The following LSAMP variants were observed in gnomAD, a reference collection of about 807,000 sequenced individuals.
The protein encoded by LSAMP is limbic system-associated membrane protein.
In LSAMP, 7 loss-of-function variants were observed where a neutral mutation model predicts 38.6. The ratio of observed to expected loss-of-function variants is 0.18; its 90% CI spans 0.10 to 0.34. The LOEUF (loss-of-function observed/expected upper bound fraction) is 0.34, where lower values mean the gene tolerates loss of function less well. Ranked by LOEUF, LSAMP falls within the 10% of genes least tolerant of loss-of-function variation. The pLI is 1.00. For synonymous variants in LSAMP, 154 were observed against 166.8 expected (o/e 0.92, Z 0.59); for missense variants, 313 against 420.0 (o/e 0.75, Z 2.23).
chr3:116,414,396 A>G (rs564898562), intron 1 of LSAMP, among the ~76,000 whole-genome samples: 28 of 151,898 alleles, frequency 1.8e-4, no homozygotes, highest in Admixed American at 1.8e-3. Context: ...TCACAGTCCT[A>G]CCCTGCCCAG....
chr3:116,425,561 A>T (rs182709894), intron 1 of LSAMP, among the ~76,000 whole-genome samples: 181 of 152,262 alleles, frequency 1.2e-3, no homozygotes, highest in Non-Finnish European at 1.5e-3. Flanking sequence ...AATGTGATAT[A>T]CTTGGGTGAG....
At chr3:115,854,314 G>A (rs1299145752) in intron 3 of LSAMP, among the ~76,000 whole-genome samples, 3 of 123,782 alleles carry the variant, frequency 2.4e-5, no homozygotes, top group Admixed American at 1.9e-4. Flanking sequence ...ATGGAGTCCC[G>A]CTCTTTAGCC....
chr3:115,844,869 C>T (rs546585370), intron 4 of LSAMP, among the ~76,000 whole-genome samples: 32 of 151,968 alleles, frequency 2.1e-4, no homozygotes, highest in Non-Finnish European at 4.0e-4. Flanking sequence ...CCCAGCTACT[C>T]GGGAACCTGC....
chr3:115,942,891 C>A (rs1350755779), intron 3 of LSAMP, among the ~76,000 whole-genome samples: 1 of 152,132 alleles, frequency 6.6e-6, no homozygotes, highest in East Asian at 1.9e-4. Context: ...AGACTGCTCA[C>A]ATTCAATTGT....
chr3:115,955,609 G>A (rs572046414), intron 3 of LSAMP, among the ~76,000 whole-genome samples: 3 of 141,296 alleles, frequency 2.1e-5, no homozygotes, highest in African/African-American at 7.4e-5. Flanking sequence ...ATTAACTGCT[G>A]ATGGGTAAAG....
chr3:116,443,918 T>C (rs187518798), intron 1 of LSAMP, among the ~76,000 whole-genome samples: 67 of 152,258 alleles, frequency 4.4e-4, no homozygotes, highest in Non-Finnish European at 7.6e-4. Flanking sequence ...AAAAATAACC[T>C]TGGAGCATTT....
intron 1 of LSAMP, among the ~76,000 whole-genome samples, chr3:116,226,470 C>T (rs991699430): frequency 1.3e-5 from 2 of 152,154 alleles, no homozygotes; most frequent in Admixed American, 6.5e-5. Flanking sequence ...TGTTTTATCA[C>T]CAGAAGCTGT....
At chr3:116,266,528 T>C (rs563877773) in intron 1 of LSAMP, among the ~76,000 whole-genome samples, 160 of 152,240 alleles carry the variant, frequency 1.1e-3, no homozygotes, top group African/African-American at 3.7e-3. Flanking sequence ...CAGAGGGTGT[T>C]CAATAAATAG....
intron 1 of LSAMP, among the ~76,000 whole-genome samples, chr3:116,100,070 AATT>A (rs1004842279): frequency 6.1e-5 from 7 of 114,710 alleles, no homozygotes; most frequent in Non-Finnish European, 8.2e-5. Flanking sequence ...GTATCCACAG[AATT>A]ATTATTTTTG....
At position 115,869,269 on chromosome 3, in the gene LSAMP, G is replaced by GGGGAGAGAGAGAGAGAGAGAGA. The variant is rs1352019629; in HGVS notation, c.515-16653_515-16652insTCTCTCTCTCTCTCTCTCTCCC. On this transcript the variant is annotated intron_variant, in intron 3 of 6. Transcript: ENST00000490035. ...CCTTCATAACCTCTATCTTGGAGGG[G>GGGGAGAGAGAGAGAGAGAGAGA]GAGAGAGAGAGAGAGAGAGAGAGAG... is the stretch of plus-strand genomic sequence containing the variant. Among the ~76,000 whole-genome samples, 3 of 128,520 alleles carry GGGGAGAGAGAGAGAGAGAGAGA rather than the reference G, an allele frequency of 2.3e-5. No individual in the cohort carries two copies. The Admixed American group carries it at 2.7e-4, about 12-fold the overall frequency. The allele number at this position is 128,520 out of a possible 152,430, so 84.3% of individuals were successfully genotyped here. A position where few individuals can be genotyped will look rare whatever the true frequency, so the allele number is the denominator to read the frequency against.
chr3:115,867,543 A>C (rs1935896747), intron 3 of LSAMP, among the ~76,000 whole-genome samples: 2 of 152,072 alleles, frequency 1.3e-5, no homozygotes, highest in South Asian at 4.1e-4. Context: ...ACACAGGAAA[A>C]GATGTGAAAG....
chr3:116,326,110 T>C (rs996993842), intron 1 of LSAMP, among the ~76,000 whole-genome samples: 11 of 152,142 alleles, frequency 7.2e-5, no homozygotes, highest in African/African-American at 2.4e-4. Flanking sequence ...TAATAACTCA[T>C]CTCAATTTAA....
At chr3:116,290,666 G>T (rs111509282) in intron 1 of LSAMP, among the ~76,000 whole-genome samples, 1 of 151,508 alleles carries the variant, frequency 6.6e-6, no homozygotes, top group South Asian at 2.1e-4. Context: ...CGAGGCGGAG[G>T]TTGCAGTGAG....
intron 1 of LSAMP, among the ~76,000 whole-genome samples, chr3:116,184,388 T>C (rs1398711894): frequency 6.6e-6 from 1 of 151,938 alleles, no homozygotes; most frequent in Non-Finnish European, 1.5e-5. Flanking sequence ...TCTTTATTCT[T>C]AGTCATTATA....
At chr3:116,422,021 A>G (rs1423745924) in intron 1 of LSAMP, among the ~76,000 whole-genome samples, 1 of 152,228 alleles carries the variant, frequency 6.6e-6, no homozygotes, top group Non-Finnish European at 1.5e-5. Flanking sequence ...AACTGGATGC[A>G]ATCCACGTGT....
chr3:116,094,202 A>G (rs1708177923), intron 1 of LSAMP, among the ~76,000 whole-genome samples: 1 of 152,154 alleles, frequency 6.6e-6, no homozygotes, highest in South Asian at 2.1e-4. Context: ...CTAAGATTAG[A>G]CTCAATTAGA....
intron 3 of LSAMP, among the ~76,000 whole-genome samples, chr3:115,870,257 G>A (rs1027693016): frequency 1.3e-5 from 2 of 152,110 alleles, no homozygotes; most frequent in African/African-American, 4.8e-5. Context: ...AACCCATGGT[G>A]TAGAGGAACA....
intron 6 of LSAMP, 63 bp from the exon 7 acceptor site, chr3:115,810,477 G>T: frequency 9.3e-7 from 1 of 1,080,522 alleles, no homozygotes; most frequent in Non-Finnish European, 1.4e-6. Context: ...GTATGTTATA[G>T]CTGACTGCTG....
intron 1 of LSAMP, among the ~76,000 whole-genome samples, chr3:116,274,903 A>AT (rs2047026026): frequency 6.6e-6 from 1 of 151,834 alleles, no homozygotes; most frequent in Non-Finnish European, 1.5e-5. Context: ...GTAGTTATAC[A>AT]TAAAAAGTAT....
Sources: gnomAD v4.1 joint callset for allele counts (sites outside exome capture counted in the v4.1 genomes callset) on GRCh38, gnomAD v4.1.1 for gene constraint, MANE v1.5 for transcripts, NCBI Gene and HGNC (gene_info 2026-07-23, HGNC 2026-07-21) for gene names.